IPO11: variants seen among roughly 807,000 people sequenced by gnomAD.
IPO11 encodes importin-11.
In IPO11, 66 loss-of-function variants were observed where a neutral mutation model predicts 143.2. The ratio of observed to expected loss-of-function variants is 0.46; its 90% CI spans 0.38 to 0.57. The LOEUF is 0.57. Among genes scored for constraint, IPO11 ranks in the 20% least tolerant of loss-of-function variants. The pLI, the probability that IPO11 is intolerant of heterozygous loss-of-function variation, is 0.00. For synonymous variants in IPO11, 385 were observed against 377.8 expected (o/e 1.02, Z -0.22); for missense variants, 1,026 against 1,141.0 (o/e 0.90, Z 1.45).
At chr5:62,580,820 C>T (rs1339388885) in intron 27 of IPO11, 3 of 1,551,314 alleles carry the variant, frequency 1.9e-6, no homozygotes, top group Admixed American at 2.0e-5. Context: ...ATTCCTACTT[C>T]ACCTGCTGGT....
chr5:62,439,389 C>T (rs1274239415), intron 2 of IPO11, among the ~76,000 whole-genome samples: 5 of 146,390 alleles, frequency 3.4e-5, no homozygotes, highest in Non-Finnish European at 7.4e-5. Context: ...CAGGTTCATG[C>T]CATTCTCGTG....
Position 62,485,415 on chromosome 5 carries a change from G to A in IPO11, c.1175-4G>A, listed in dbSNP as rs1244056608. ...ATGTCATTATTACATATTTTTAATTGCAGCAGTGGAAGAAACAGGAGGAGA... is the reference window on the plus strand; with the variant it reads ...ATGTCATTATTACATATTTTTAATTACAGCAGTGGAAGAAACAGGAGGAGA... On this transcript the variant is annotated splice_polypyrimidine_tract_variant and splice_region_variant and intron_variant, in intron 11 of 29. Transcript: ENST00000325324. The A allele has an allele frequency of 6.2e-7, 1 of 1,605,344 alleles. No individual in the cohort carries two copies. Among genetic ancestry groups the A allele is most frequent in the East Asian group, 2.2e-5 (1 of 44,764 alleles).
chr5:62,596,268 C>CAAAAAAAAAAAAAAAAAA (rs71608515), intron 28 of IPO11, among the ~76,000 whole-genome samples: 3 of 95,670 alleles, frequency 3.1e-5, no homozygotes, highest in African/African-American at 1.4e-4. Flanking sequence ...GGCCCTGTCT[C>CAAAAAAAAAAAAAAAAAA]AAAAAAAAAA....
At chr5:62,559,058 C>T (rs1217904435) in intron 26 of IPO11, among the ~76,000 whole-genome samples, 13 of 152,282 alleles carry the variant, frequency 8.5e-5, no homozygotes, top group South Asian at 2.1e-4. Context: ...AAAATTCTAG[C>T]GATCTCAGCC....
At chr5:62,432,978 G>T (rs988091758) in intron 1 of IPO11, among the ~76,000 whole-genome samples, 1 of 152,182 alleles carries the variant, frequency 6.6e-6, no homozygotes, top group Non-Finnish European at 1.5e-5. Flanking sequence ...AATCTGTGGA[G>T]TGATACTTGG....
At chr5:62,455,614 A>C (rs1389985494) in intron 5 of IPO11, among the ~76,000 whole-genome samples, 1 of 152,234 alleles carries the variant, frequency 6.6e-6, no homozygotes, top group African/African-American at 2.4e-5. Flanking sequence ...CCTGCGGCTC[A>C]GTGTGCCTCA....
intron 3 of IPO11, among the ~76,000 whole-genome samples, chr5:62,444,151 A>G (rs1478924435): frequency 6.7e-6 from 1 of 148,962 alleles, no homozygotes; most frequent in Non-Finnish European, 1.5e-5. Context: ...GCTGGAGTGC[A>G]ATGGCATGAT....
chr5:62,514,653 C>G (rs1242052238), intron 19 of IPO11, among the ~76,000 whole-genome samples: 1 of 149,294 alleles, frequency 6.7e-6, no homozygotes, highest in Non-Finnish European at 1.5e-5. Flanking sequence ...GAGGACATCC[C>G]CAAGGATATT....
At chr5:62,487,256 T>C (rs1746439866) in intron 12 of IPO11, among the ~76,000 whole-genome samples, 1 of 152,154 alleles carries the variant, frequency 6.6e-6, no homozygotes, top group Non-Finnish European at 1.5e-5. Flanking sequence ...TTGCTTATTA[T>C]ATCATTGCTA....
chr5:62,479,014 G>A (rs185286278), intron 9 of IPO11, among the ~76,000 whole-genome samples: 1 of 152,248 alleles, frequency 6.6e-6, no homozygotes, highest in African/African-American at 2.4e-5. Context: ...GTATAATTGT[G>A]CCATGTTGAT....
chr5:62,432,521 A>T (rs147490220), intron 1 of IPO11, among the ~76,000 whole-genome samples: 1 of 152,318 alleles, frequency 6.6e-6, no homozygotes, highest in East Asian at 1.9e-4. Context: ...ATTGTGGGGT[A>T]GGGCTGGGTT....
chr5:62,429,587 CGT>C (rs56185914), intron 1 of IPO11, among the ~76,000 whole-genome samples: 26,186 of 128,302 alleles, frequency 0.2, 2,304 homozygotes, highest in Non-Finnish European at 0.23. Flanking sequence ...GTCTGATTTT[CGT>C]GTGTGTGTGT....
intron 1 of IPO11, among the ~76,000 whole-genome samples, chr5:62,429,590 G>GTGTGTC (rs1216703476): frequency 2.7e-5 from 2 of 75,406 alleles, no homozygotes; most frequent in African/African-American, 1.4e-4. Flanking sequence ...TGATTTTCGT[G>GTGTGTC]TGTGTGTGTG....
chr5:62,436,699 G>C (rs1744254434), intron 1 of IPO11, among the ~76,000 whole-genome samples: 1 of 152,074 alleles, frequency 6.6e-6, no homozygotes, highest in Admixed American at 6.6e-5. Context: ...GGTCAGTTTG[G>C]CTTTTTTCCC....
At position 62,416,175 on chromosome 5, in the gene IPO11, T is replaced by C. The variant is rs144439142; in HGVS notation, c.-7+3246T>C. Among the ~76,000 whole-genome samples the C allele has an allele frequency of 7.5e-3, 1,066 of 142,484 alleles. 14 individuals are homozygous for C. Among genetic ancestry groups the C allele is most frequent in the African/African-American group, 0.025 (1,002 of 39,720 alleles). The allele number at this position is 142,484 out of a possible 152,430, so 93.5% of individuals were successfully genotyped here. Reference sequence around the variant, plus strand: ...CTGTATCTTTCTGTTTTCTTTTTTTTTCTTTTCTTTTTTTTTTTTTTTTTG... The same window carrying C: ...CTGTATCTTTCTGTTTTCTTTTTTTCTCTTTTCTTTTTTTTTTTTTTTTTG... On this transcript the variant is annotated intron_variant, in intron 1 of 29. Transcript: ENST00000325324.
At chr5:62,496,232 G>A (rs1741147547) in intron 16 of IPO11, among the ~76,000 whole-genome samples, 1 of 151,258 alleles carries the variant, frequency 6.6e-6, no homozygotes, top group Non-Finnish European at 1.5e-5. Flanking sequence ...AGGTTGCAGT[G>A]AGCCGAGATT....
At chr5:62,499,357 G>A (rs932066731) in intron 16 of IPO11, among the ~76,000 whole-genome samples, 4 of 152,142 alleles carry the variant, frequency 2.6e-5, no homozygotes, top group Non-Finnish European at 2.9e-5. Context: ...GATAAAAAAC[G>A]TTACACCTCT....
intron 20 of IPO11, among the ~76,000 whole-genome samples, chr5:62,519,426 T>C (rs1358759163): frequency 6.6e-6 from 1 of 152,208 alleles, no homozygotes; most frequent in Non-Finnish European, 1.5e-5. Flanking sequence ...CTCTAACATA[T>C]TGTTTATTAC....
At chr5:62,427,041 G>A (rs1580163783) in intron 1 of IPO11, among the ~76,000 whole-genome samples, 2 of 147,640 alleles carry the variant, frequency 1.4e-5, no homozygotes, top group Admixed American at 7.0e-5. Flanking sequence ...GGTTTCAAGC[G>A]ATTCTCCTGC....
Sources: gnomAD v4.1 joint callset for allele counts (sites outside exome capture counted in the v4.1 genomes callset) on GRCh38, gnomAD v4.1.1 for gene constraint, MANE v1.5 for transcripts, NCBI Gene and HGNC (gene_info 2026-07-23, HGNC 2026-07-21) for gene names.